The following TBCE variants were observed in gnomAD, a reference collection of about 807,000 sequenced individuals.
TBCE encodes tubulin-specific chaperone E.
TBCE carries 53 observed loss-of-function variants against 77.0 expected under a neutral mutation model. The ratio of observed to expected loss-of-function variants is 0.69; its 90% CI spans 0.55 to 0.87. The LOEUF is 0.87. TBCE is among the 40% of genes least tolerant of loss of function. The probability of loss-of-function intolerance (pLI) is 0.00; values close to 1 mark genes in which losing one functional copy is unlikely to be tolerated. For synonymous variants in TBCE, 235 were observed against 241.3 expected (o/e 0.97, Z 0.24); for missense variants, 624 against 622.4 (o/e 1.00, Z -0.03).
chr1:235,436,916 C>G (rs142370764), intron 11 of TBCE, among the ~76,000 whole-genome samples: 8,237 of 149,908 alleles, frequency 0.055, 421 homozygotes, highest in African/African-American at 0.13. Context: ...GTCGGGAGTT[C>G]GAGACCAGCC....
chr1:235,431,259 T>C (rs1255462742), intron 7 of TBCE, among the ~76,000 whole-genome samples: 1 of 152,224 alleles, frequency 6.6e-6, no homozygotes, highest in African/African-American at 2.4e-5. Context: ...GGCTCAAAAG[T>C]AGACTTGTGG....
intron 4 of TBCE, chr1:235,416,179 A>C (rs1680100708): frequency 6.7e-6 from 1 of 148,458 alleles, no homozygotes; most frequent in Admixed American, 6.7e-5. Flanking sequence ...AAAAAAAAAA[A>C]AAAAAAAGAA....
At chr1:235,390,587 A>T (rs1461204400) in intron 2 of TBCE, among the ~76,000 whole-genome samples, 1 of 152,038 alleles carries the variant, frequency 6.6e-6, no homozygotes, top group African/African-American at 2.4e-5. Flanking sequence ...CCCTGTCTCT[A>T]CTAAAAATAC....
At chr1:235,405,875 T>C (rs539129225) in intron 3 of TBCE, among the ~76,000 whole-genome samples, 6 of 152,222 alleles carry the variant, frequency 3.9e-5, no homozygotes, top group Admixed American at 2.6e-4. Flanking sequence ...ACAGCTTCAC[T>C]AGGAGATAGG....
chr1:235,434,747 GGGGTTTCACCATC>G (rs1681321698), intron 8 of TBCE, among the ~76,000 whole-genome samples: 6 of 151,626 alleles, frequency 4.0e-5, no homozygotes, highest in Non-Finnish European at 7.4e-5. Context: ...CATCTTTTAC[GGGGTTTCACCATC>G]TTGGCCAGGC....
At chr1:235,434,665 T>G (rs1681312568) in intron 8 of TBCE, among the ~76,000 whole-genome samples, 1 of 151,674 alleles carries the variant, frequency 6.6e-6, no homozygotes, top group African/African-American at 2.4e-5. Flanking sequence ...GCCTCCCGAG[T>G]AGCTGGGATT....
Position 235,437,472 on chromosome 1 carries a change from G to A in TBCE, c.1114G>A (p.Glu372Lys). The change falls in exon 12 of 17, where the codon GAG becomes AAG. Residue 372 changes from glutamate to lysine, a missense_variant and splice_region_variant. By Grantham distance (56) the Glu-to-Lys change is moderately conservative. Transcript: ENST00000642610. ...CCAGCTGAAGACGCTGAACAAATGT[G>A]AGGTGAGCACTGGCGTCATGACTAG... ...IGQLKTLNKC[E>K]ILPEERRRAE... 1 of 1,613,958 alleles carries A rather than the reference G, an allele frequency of 6.2e-7. No individual in the cohort carries two copies. Among genetic ancestry groups the A allele is most frequent in the Non-Finnish European group, 8.5e-7 (1 of 1,179,968 alleles).
At chr1:235,397,348 C>CAT (rs1678800573) in intron 2 of TBCE, among the ~76,000 whole-genome samples, 1 of 151,978 alleles carries the variant, frequency 6.6e-6, no homozygotes, top group Non-Finnish European at 1.5e-5. Context: ...ACTACGGGCG[C>CAT]CCGCCAGGAT....
chr1:235,428,241 A>G (rs1047219546), intron 6 of TBCE, among the ~76,000 whole-genome samples: 6 of 150,346 alleles, frequency 4.0e-5, no homozygotes, highest in African/African-American at 9.8e-5. Flanking sequence ...GGAGAATGGC[A>G]TGAACCTGGG....
chr1:235,389,884 G>A (rs1280844585), intron 2 of TBCE, among the ~76,000 whole-genome samples: 1 of 152,034 alleles, frequency 6.6e-6, no homozygotes, highest in East Asian at 1.9e-4. Context: ...AGCACTTCAG[G>A]AAGCCAAGGC....
chr1:235,394,101 G>T (rs1301850008), intron 2 of TBCE, among the ~76,000 whole-genome samples: 1 of 152,050 alleles, frequency 6.6e-6, no homozygotes, highest in South Asian at 2.1e-4. Context: ...TTGAGACGGA[G>T]TCTCGCTCTG....
intron 1 of TBCE, among the ~76,000 whole-genome samples, chr1:235,371,959 C>T (rs1022942188): frequency 1.3e-5 from 2 of 151,976 alleles, no homozygotes; most frequent in African/African-American, 4.8e-5. Context: ...CAGGCATGAG[C>T]CACTGTGCCT....
intron 15 of TBCE, among the ~76,000 whole-genome samples, chr1:235,445,019 G>A (rs936899829): frequency 3.9e-5 from 6 of 152,218 alleles, no homozygotes; most frequent in African/African-American, 1.4e-4. Context: ...CTGAGATTCA[G>A]TTAGCCATTT....
At chr1:235,405,237 A>G (rs543315184) in intron 3 of TBCE, among the ~76,000 whole-genome samples, 5 of 151,866 alleles carry the variant, frequency 3.3e-5, no homozygotes, top group East Asian at 1.9e-4. Context: ...TGCTGAGATT[A>G]TAGGCATGAG....
At chr1:235,448,220 C>CAAAAAAAA (rs59405398) in intron 15 of TBCE, 129 bp from the exon 16 acceptor site, 4 of 531,006 alleles carry the variant, frequency 7.5e-6, no homozygotes, top group African/African-American at 6.2e-5. Context: ...AAGTCAGTCT[C>CAAAAAAAA]AAAAAAAAAA....
intron 8 of TBCE, 24 bp downstream of exon 8, chr1:235,434,304 A>G: frequency 6.4e-7 from 1 of 1,556,102 alleles, no homozygotes; most frequent in African/African-American, 1.4e-5. Context: ...ACTTAAATGC[A>G]TCTATCCCCA....
chr1:235,379,877 G>T, intron 1 of TBCE, 142 bp from the exon 2 acceptor site: 2 of 513,696 alleles, frequency 3.9e-6, no homozygotes, highest in Non-Finnish European at 7.1e-6. Flanking sequence ...GAGCCTGGAA[G>T]GTGGGGGTTG....
At chr1:235,385,214 G>T (rs1452277880) in intron 2 of TBCE, among the ~76,000 whole-genome samples, 1 of 152,106 alleles carries the variant, frequency 6.6e-6, no homozygotes, top group East Asian at 1.9e-4. Context: ...TTTTACATTT[G>T]CTGAGGAGAG....
intron 6 of TBCE, 62 bp downstream of exon 6, chr1:235,427,301 A>G: frequency 7.9e-7 from 1 of 1,264,428 alleles, no homozygotes; most frequent in Non-Finnish European, 1.2e-6. Context: ...TTGCTTCCTC[A>G]CAGCATCTCT....
Sources: allele counts gnomAD v4.1 joint callset (sites outside exome capture counted in the v4.1 genomes callset), GRCh38; gene constraint gnomAD v4.1.1; transcripts MANE v1.5; gene names NCBI Gene and HGNC (gene_info 2026-07-23, HGNC 2026-07-21).